CLASP1: variants seen among roughly 807,000 people sequenced by gnomAD.
CLASP1 encodes the protein CLIP-associating protein 1.
CLASP1 carries 38 observed loss-of-function variants against 192.3 expected under a neutral mutation model. That is an observed-to-expected ratio of 0.20 (90% CI 0.15 to 0.26). The LOEUF (loss-of-function observed/expected upper bound fraction) is 0.26, where lower values mean the gene tolerates loss of function less well. Among genes scored for constraint, CLASP1 ranks in the 10% least tolerant of loss-of-function variants. CLASP1 has a pLI of 1.00. For synonymous variants in CLASP1, 691 were observed against 712.8 expected, an observed-to-expected ratio of 0.97 and a Z score of 0.49; for missense variants, 1,433 against 1,932.5, an observed-to-expected ratio of 0.74 and a Z score of 4.85.
intron 1 of CLASP1, among the ~76,000 whole-genome samples, chr2:121,619,906 C>G (rs915791588): frequency 6.6e-6 from 1 of 152,040 alleles, no homozygotes; most frequent in Non-Finnish European, 1.5e-5. Flanking sequence ...TTGTTATAAT[C>G]TCTTTACTTT....
chr2:121,594,976 T>A (rs1478563126), intron 2 of CLASP1, among the ~76,000 whole-genome samples: 1 of 152,180 alleles, frequency 6.6e-6, no homozygotes, highest in African/African-American at 2.4e-5. Flanking sequence ...AAAGTATATA[T>A]GGTCATGATT....
chr2:121,427,730 T>C (rs2149620309), intron 20 of CLASP1, among the ~76,000 whole-genome samples: 1 of 152,334 alleles, frequency 6.6e-6, no homozygotes, highest in East Asian at 1.9e-4. Flanking sequence ...CTTACTCATC[T>C]CTGTATCACT....
chr2:121,459,913 G>C, intron 12 of CLASP1, 67 bp downstream of exon 12: 1 of 1,443,626 alleles, frequency 6.9e-7, no homozygotes, highest in African/African-American at 1.4e-5. Context: ...CATGTTCAAG[G>C]AGACATCTCT....
chr2:121,589,245 G>A (rs10205258), intron 2 of CLASP1, among the ~76,000 whole-genome samples: 16,637 of 152,172 alleles, frequency 0.11, 1,120 homozygotes, highest in African/African-American at 0.18. Context: ...CTTTACAAAG[G>A]TGTTTTTTGA....
intron 1 of CLASP1, among the ~76,000 whole-genome samples, chr2:121,636,337 A>G (rs2070855608): frequency 7.1e-6 from 1 of 140,010 alleles, no homozygotes; most frequent in South Asian, 2.3e-4. Context: ...CTCCATTTCA[A>G]AAATAATAAT....
In CLASP1 at chr2:121,595,034, T is replaced by C. The variant is rs147714973; in HGVS notation, c.195+10667A>G. On this transcript the variant is annotated intron_variant, in intron 2 of 39. Transcript: ENST00000263710. ...TTAAATATATTCATCTTAAATATTT[T>C]TCATTAAAGTCTAACTCAAAATTCC... is the stretch of plus-strand genomic sequence containing the variant. 2.9e-4 allele frequency among the ~76,000 whole-genome samples: 44 copies of C among 152,340 alleles called. 1 individual carries two copies. Among genetic ancestry groups the C allele is most frequent in the African/African-American group, 1.1e-3 (44 of 41,562 alleles).
chr2:121,510,194 G>A lies in CLASP1; in HGVS notation c.644+5471C>T, dbSNP rs2150311029. On this transcript the variant is annotated intron_variant, in intron 7 of 39. Transcript: ENST00000263710. ...GACAAGTACATCAAACCAATCAAAA[G>A]TAAAGATTAGAGTGAAATAAGCAAA... Among the ~76,000 whole-genome samples, 2 of 152,180 alleles carry A rather than the reference G, an allele frequency of 1.3e-5. 1 individual carries two copies. The highest frequency in any genetic ancestry group is 4.1e-4 in the South Asian group (2 of 4,822).
chr2:121,475,796 A>G (rs2091524466), intron 8 of CLASP1, among the ~76,000 whole-genome samples: 1 of 152,204 alleles, frequency 6.6e-6, no homozygotes, highest in South Asian at 2.1e-4. Flanking sequence ...CCACAGAAAT[A>G]ATTAATTGTA....
intron 35 of CLASP1, among the ~76,000 whole-genome samples, chr2:121,366,590 C>T (rs1413907618): frequency 6.6e-6 from 1 of 152,226 alleles, no homozygotes; most frequent in East Asian, 1.9e-4. Context: ...CCCTGACAGA[C>T]CTTGAGCTCT....
intron 2 of CLASP1, chr2:121,530,690 TA>T (rs2094760830): frequency 1.9e-6 from 1 of 530,118 alleles, no homozygotes; most frequent in Admixed American, 3.2e-5. Context: ...GTCTTCTGGG[TA>T]AAACCGAGCC....
At chr2:121,574,430 T>C (rs1278329555) in intron 2 of CLASP1, among the ~76,000 whole-genome samples, 5 of 150,086 alleles carry the variant, frequency 3.3e-5, no homozygotes, top group Non-Finnish European at 5.9e-5. Flanking sequence ...AGGTCAGGAG[T>C]TCCAGACCAG....
intron 26 of CLASP1, chr2:121,403,888 C>T (rs2149474299): frequency 2.2e-6 from 1 of 447,742 alleles, no homozygotes; most frequent in Non-Finnish European, 4.5e-6. Flanking sequence ...CAGCAAAATC[C>T]TATTTTATGA....
intron 1 of CLASP1, among the ~76,000 whole-genome samples, chr2:121,623,253 T>C (rs2067697359): frequency 6.6e-6 from 1 of 152,212 alleles, no homozygotes; most frequent in Non-Finnish European, 1.5e-5. Context: ...TGAAACAATG[T>C]TGGATTTAAT....
At chr2:121,530,982 T>C (rs770336192) in intron 2 of CLASP1, 9 of 700,250 alleles carry the variant, frequency 1.3e-5, no homozygotes, top group Non-Finnish European at 1.8e-5. Context: ...GAGCTTTTGC[T>C]TTATTTTGGT....
chr2:121,353,037 C>T (rs1276714111), intron 37 of CLASP1, among the ~76,000 whole-genome samples: 9 of 152,196 alleles, frequency 5.9e-5, no homozygotes, highest in Non-Finnish European at 1.5e-5. Flanking sequence ...CTACAAAACA[C>T]ATGATGGCTA....
chr2:121,396,408 T>C (rs566352729), intron 30 of CLASP1, among the ~76,000 whole-genome samples: 23 of 152,398 alleles, frequency 1.5e-4, no homozygotes, highest in African/African-American at 5.5e-4. Context: ...TCCAACGTTC[T>C]ATTTATATTT....
chr2:121,639,509 T>A (rs953827604), intron 1 of CLASP1, among the ~76,000 whole-genome samples: 3 of 152,108 alleles, frequency 2.0e-5, no homozygotes, highest in African/African-American at 7.2e-5. Context: ...TGGAAACAGA[T>A]TATGGCAATG....
chr2:121,407,757 T>C lies in CLASP1; in HGVS notation c.2425-42A>G, dbSNP rs200575898. On this transcript the variant is annotated intron_variant, in intron 24 of 39. Coordinates refer to ENST00000263710, the Ensembl canonical transcript of CLASP1. ...GGGATGGGAGTGATTGAGGAAGAAA[T>C]AGAAAGGTGAAATGACTGTGAGTCA... is the stretch of plus-strand genomic sequence containing the variant. 119 of 1,612,636 alleles carry C rather than the reference T, an allele frequency of 7.4e-5. 1 individual carries two copies. In the Middle Eastern group the frequency reaches 9.9e-4, roughly 13 times the overall value.
At chr2:121,384,221 TTCTGTTG>T (rs2072660987) in intron 32 of CLASP1, among the ~76,000 whole-genome samples, 1 of 151,286 alleles carries the variant, frequency 6.6e-6, no homozygotes, top group Non-Finnish European at 1.5e-5. Context: ...CAGGGTCTCA[TTCTGTTG>T]TCCAGGCTAG....
Sources: gnomAD v4.1 joint callset for allele counts (sites outside exome capture counted in the v4.1 genomes callset) on GRCh38, gnomAD v4.1.1 for gene constraint, MANE v1.5 for transcripts, NCBI Gene and HGNC (gene_info 2026-07-23, HGNC 2026-07-21) for gene names.